Variants in KIF1B observed in about 807,000 individuals in gnomAD.
KIF1B encodes the protein kinesin family member 1B.
A neutral mutation model predicts 241.9 loss-of-function variants in KIF1B; 76 were observed. That is an observed-to-expected ratio of 0.31 (90% CI 0.26 to 0.38). KIF1B has a LOEUF of 0.38. KIF1B is among the 10% of genes least tolerant of loss of function. The pLI is 1.00. For synonymous variants in KIF1B, 750 were observed against 796.7 expected (o/e 0.94, Z 0.99); for missense variants, 1,622 against 2,271.4 (o/e 0.71, Z 5.81).
chr1:10,342,685 G>C (rs1298363426), intron 33 of KIF1B, among the ~76,000 whole-genome samples: 9 of 152,142 alleles, frequency 5.9e-5, no homozygotes. Flanking sequence ...TTATGCCAGA[G>C]TTGAAAATGG....
intron 27 of KIF1B, among the ~76,000 whole-genome samples, chr1:10,327,043 C>T (rs1651749078): frequency 6.6e-6 from 1 of 152,016 alleles, no homozygotes; most frequent in Non-Finnish European, 1.5e-5. Flanking sequence ...ATCTATTGAC[C>T]CCATCAGCAG....
At chr1:10,342,471 A>G (rs1652433853) in intron 33 of KIF1B, among the ~76,000 whole-genome samples, 1 of 152,232 alleles carries the variant, frequency 6.6e-6, no homozygotes, top group African/African-American at 2.4e-5. Context: ...AATTGTTCCT[A>G]ATGCCCACAG....
rs57088720 is a variant in KIF1B at position 10,365,005 on chromosome 1, CAAAA to C, written c.4367-82_4367-79del. The C allele has an allele frequency of 3.5e-4, 299 of 852,462 alleles. 1 individual carries two copies. Among genetic ancestry groups the C allele is most frequent in the African/African-American group, 1.8e-3 (86 of 47,954 alleles). 52.8% of individuals were successfully genotyped at this position (852,462 alleles called of 1,614,324 possible). A position where few individuals can be genotyped will look rare whatever the true frequency, so the allele number is the denominator to read the frequency against. On this transcript the variant is annotated intron_variant, in intron 41 of 48. Transcript: ENST00000676179. This position sits in a 1 kb window ranked among gnomAD's most constrained non-coding sequence, Gnocchi z 4.0. Reference sequence around the variant, plus strand: ...TGGGCAACAGAGCGAGACTCCATCTCAAAAAAAAAAAAAAAAGAATTATTAATTC... The same window carrying C: ...TGGGCAACAGAGCGAGACTCCATCTCAAAAAAAAAAAAGAATTATTAATTC...
chr1:10,260,156 A>G, intron 4 of KIF1B, among the ~76,000 whole-genome samples: 1 of 152,220 alleles, frequency 6.6e-6, no homozygotes, highest in East Asian at 1.9e-4. Context: ...TGCGTTGTAT[A>G]GCCTGTTGCT....
intron 45 of KIF1B, among the ~76,000 whole-genome samples, chr1:10,371,847 C>T (rs763010550): frequency 1.3e-5 from 2 of 151,944 alleles, no homozygotes; most frequent in South Asian, 2.1e-4. Flanking sequence ...GTGGGAGGAT[C>T]GCTTGAATCC....
rs1638539009 is a variant in KIF1B at position 10,365,366 on chromosome 1, A to G, written c.4513-43A>G. 3 of 1,614,080 alleles carry G rather than the reference A, an allele frequency of 1.9e-6. No individual in the cohort carries two copies. Among genetic ancestry groups the G allele is most frequent in the Non-Finnish European group, 2.5e-6 (3 of 1,180,018 alleles). ...TTCACTTTTCTCTCCTGAGGTCTTA[A>G]CGAGCTTTGTGTTTGCTATAGCAGT... On this transcript the variant is annotated intron_variant, in intron 42 of 48. Coordinates refer to ENST00000676179, the MANE Select transcript of KIF1B (RefSeq NM_001365951.3). This position sits in a 1 kb window ranked among gnomAD's most constrained non-coding sequence, Gnocchi z 4.0.
At chr1:10,341,366 C>T (rs866563844) in intron 32 of KIF1B, among the ~76,000 whole-genome samples, 1 of 152,214 alleles carries the variant, frequency 6.6e-6, no homozygotes, top group Admixed American at 6.5e-5. Flanking sequence ...GTGCCTGGCA[C>T]ATAGGCCATA....
At chr1:10,251,606 T>C (rs1647450616) in intron 2 of KIF1B, among the ~76,000 whole-genome samples, 1 of 151,928 alleles carries the variant, frequency 6.6e-6, no homozygotes, top group Non-Finnish European at 1.5e-5. Flanking sequence ...TGGTGATGCA[T>C]GCCTGTAATC....
chr1:10,253,431 A>G (rs1647582558), intron 2 of KIF1B, among the ~76,000 whole-genome samples: 1 of 152,150 alleles, frequency 6.6e-6, no homozygotes, highest in African/African-American at 2.4e-5. Context: ...GCTTGAGCCC[A>G]GGAGTTTGAG....
chr1:10,218,531 C>T (rs994447349), intron 1 of KIF1B, among the ~76,000 whole-genome samples: 6 of 152,132 alleles, frequency 3.9e-5, no homozygotes, highest in African/African-American at 1.4e-4. Flanking sequence ...AGTGATTCTC[C>T]TGCCTCAGCC....
intron 45 of KIF1B, among the ~76,000 whole-genome samples, chr1:10,371,825 C>T (rs369150298): frequency 1.3e-4 from 19 of 151,970 alleles, no homozygotes; most frequent in Non-Finnish European, 1.8e-4. Flanking sequence ...CCCAGCTACT[C>T]GGGAGGCTGA....
intron 6 of KIF1B, 66 bp from the exon 7 acceptor site, chr1:10,268,086 C>G: frequency 1.0e-6 from 1 of 971,416 alleles, no homozygotes; most frequent in Non-Finnish European, 1.6e-6. Flanking sequence ...AATGTGGAGC[C>G]TGCTGTCCAT....
chr1:10,350,558 CA>C, intron 37 of KIF1B, among the ~76,000 whole-genome samples: 2 of 152,020 alleles, frequency 1.3e-5, no homozygotes, highest in East Asian at 3.9e-4. Context: ...TACTCCATCT[CA>C]AAAAAATATA....
At position 10,374,776 on chromosome 1, in the gene KIF1B, G is replaced by A; in HGVS notation, c.5097-78G>A. On this transcript the variant is annotated intron_variant, in intron 46 of 48. Coordinates refer to ENST00000676179, the MANE Select transcript of KIF1B (RefSeq NM_001365951.3). The surrounding 1 kb of genome is among the most constrained non-coding windows in gnomAD (Gnocchi z 4.3). ...TCGAATCTAAGGACTTGGCCTAAGTGTGGCGTATTTTGATGGTCCTCAGCA... is the reference window on the plus strand; with the variant it reads ...TCGAATCTAAGGACTTGGCCTAAGTATGGCGTATTTTGATGGTCCTCAGCA... 1.5e-6 allele frequency: 2 copies of A among 1,352,980 alleles called. No individual in the cohort carries two copies. Among genetic ancestry groups the A allele is most frequent in the Non-Finnish European group, 2.1e-6 (2 of 945,842 alleles). 83.8% of individuals were successfully genotyped at this position (1,352,980 alleles called of 1,614,324 possible).
At chr1:10,304,586 C>T (rs1237615667) in intron 22 of KIF1B, 12 of 1,613,974 alleles carry the variant, frequency 7.4e-6, no homozygotes, top group Middle Eastern at 3.3e-4. Context: ...GTGACACCTC[C>T]GCGGATGAGG....
chr1:10,303,552 C>T lies in KIF1B; in HGVS notation c.2115+6306C>T, dbSNP rs1164964139. ...AGCGGGACTCCTGGAGGGCAGTGGC[C>T]AGGGACGTCTGGGATACCGTCGGTG... is the stretch of plus-strand genomic sequence containing the variant. On this transcript the variant is annotated intron_variant, in intron 22 of 48. Coordinates refer to ENST00000676179, the MANE Select transcript of KIF1B (RefSeq NM_001365951.3). This position sits in a 1 kb window ranked among gnomAD's most constrained non-coding sequence, Gnocchi z 5.2. 1 of 1,614,120 alleles carries T rather than the reference C, an allele frequency of 6.2e-7. No homozygotes were observed.
At chr1:10,224,725 CA>C (rs1646889040) in intron 1 of KIF1B, among the ~76,000 whole-genome samples, 2 of 148,066 alleles carry the variant, frequency 1.4e-5, no homozygotes, top group African/African-American at 5.0e-5. Context: ...TGCCTGGCCC[CA>C]ATTTATGTTT....
At chr1:10,245,296 TGTCTTAA>T (rs970956984) in intron 2 of KIF1B, among the ~76,000 whole-genome samples, 3 of 152,256 alleles carry the variant, frequency 2.0e-5, no homozygotes, top group African/African-American at 4.8e-5. Context: ...TTTAGTAGAC[TGTCTTAA>T]GTCTTAACTT....
chr1:10,221,078 A>G (rs558775295), intron 1 of KIF1B, among the ~76,000 whole-genome samples: 1 of 149,472 alleles, frequency 6.7e-6, no homozygotes, highest in African/African-American at 2.5e-5. Context: ...GGATTGGGTT[A>G]GAATACAGAA....
Sources: allele counts gnomAD v4.1 joint callset (sites outside exome capture counted in the v4.1 genomes callset), GRCh38; gene constraint gnomAD v4.1.1; non-coding constraint Gnocchi (gnomAD v3.1); transcripts MANE v1.5; gene names NCBI Gene and HGNC (gene_info 2026-07-23, HGNC 2026-07-21).